Variants in GCNA observed in about 807,000 individuals in gnomAD.
GCNA encodes the protein germ cell nuclear acidic protein.
GCNA carries 3 observed loss-of-function variants against 38.8 expected under a neutral mutation model. That is an observed-to-expected ratio of 0.08 (90% CI 0.04 to 0.20). GCNA has a LOEUF of 0.20. Ranked by LOEUF, GCNA falls within the 10% of genes least tolerant of loss-of-function variation. The pLI, the probability that GCNA is intolerant of heterozygous loss-of-function variation, is 1.00. For missense variants in GCNA, 446 were observed against 578.6 expected (o/e 0.77, Z 2.35); for synonymous variants, 195 against 240.2 (o/e 0.81, Z 1.74).
At chrX:71,586,754 C>T (rs1238876542) in intron 2 of GCNA, among the ~76,000 whole-genome samples, 1 of 110,834 alleles carries the variant, frequency 9.0e-6, no homozygotes, top group African/African-American at 3.3e-5. Context: ...GGATTACAGG[C>T]ACCTGCCACC....
At position 71,612,369 on chromosome X, in the gene GCNA, A is replaced by T; in HGVS notation, c.1765A>T (p.Thr589Ser). Residue 589 changes from threonine to serine, a missense_variant, in exon 12 of 13, where the codon ACC (threonine) becomes TCC (serine). By Grantham distance (58) the Thr-to-Ser change is moderately conservative (BLOSUM62 1). Transcript: ENST00000373696. ...CTTCTTTCAAGACCGAATCCGGGAT[A>T]CCTTGATCCATGAAATGTGCCATGC... ...VCDSADRIRD[T>S]LIHEMCHAAS... The T allele has an allele frequency of 8.3e-7, 1 of 1,202,247 alleles. No homozygotes were observed. Among genetic ancestry groups the T allele is most frequent in the South Asian group, 1.8e-5 (1 of 55,800 alleles).
At chrX:71,598,576 C>T (rs1269751095) in intron 7 of GCNA, among the ~76,000 whole-genome samples, 4 of 110,850 alleles carry the variant, frequency 3.6e-5, no homozygotes, top group African/African-American at 1.3e-4. Flanking sequence ...TCTTGTGTTT[C>T]TTTAGAGCCT....
rs761554566 is a variant in GCNA at position 71,609,142 on chromosome X, T to C, written c.1611+25T>C. Reference sequence around the variant, plus strand: ...GGTAGGATCAATGAATGAGCACTGATTGAGCACCTGCTATACACCAGTACT... The same window carrying C: ...GGTAGGATCAATGAATGAGCACTGACTGAGCACCTGCTATACACCAGTACT... On this transcript the variant is annotated intron_variant, in intron 10 of 12. Transcript: ENST00000373696. 3 of 1,176,407 alleles carry C rather than the reference T, an allele frequency of 2.6e-6. No individual in the cohort carries two copies. The East Asian group carries it at 9.0e-5, about 35-fold the overall frequency.
intron 9 of GCNA, 70 bp from the exon 10 acceptor site, chrX:71,608,903 C>T (rs777890602): frequency 1.5e-5 from 17 of 1,127,779 alleles, no homozygotes; most frequent in African/African-American, 7.4e-5. Context: ...GGTCTCTTGA[C>T]GAGACGCTTA....
At chrX:71,605,594 T>A in intron 8 of GCNA, 69 bp from the exon 9 acceptor site, 2 of 965,832 alleles carry the variant, frequency 2.1e-6, no homozygotes, top group Non-Finnish European at 2.9e-6. Context: ...GGGTTTACCT[T>A]TCTGTTGGTC....
At chrX:71,597,395 G>T (rs1379401003) in intron 6 of GCNA, among the ~76,000 whole-genome samples, 1 of 111,578 alleles carries the variant, frequency 9.0e-6, no homozygotes, top group Non-Finnish European at 1.9e-5. Flanking sequence ...ATTAGCCGAG[G>T]ATGAGGACCC....
Position 71,594,333 on chromosome X carries a change from G to A in GCNA, c.143G>A (p.Cys48Tyr), listed in dbSNP as rs148480806. 435 of 1,200,739 alleles carry A rather than the reference G, an allele frequency of 3.6e-4. 2 individuals are homozygous for A. Among genetic ancestry groups the A allele is most frequent in the East Asian group, 3.9e-4 (13 of 33,698 alleles). The change falls in exon 5 of 13, where the codon TGC becomes TAC. Residue 48 changes from cysteine (C) to tyrosine (Y), a missense_variant and splice_region_variant. By Grantham distance (194) the Cys-to-Tyr change is radical. Coordinates refer to ENST00000373696, the MANE Select transcript of GCNA (RefSeq NM_052957.5). ...ARRAPKRQAS[C>Y]ILNVQSRSGD... Reference sequence around the variant, plus strand: ...AAGTATCTCTTTTATTTTTGCAGTTGCATCCTTAATGTCCAGTCAAGGAGT... The same window carrying A: ...AAGTATCTCTTTTATTTTTGCAGTTACATCCTTAATGTCCAGTCAAGGAGT...
intron 2 of GCNA, 36 bp downstream of exon 2, chrX:71,580,916 G>T: frequency 8.7e-7 from 1 of 1,147,615 alleles, no homozygotes; most frequent in Non-Finnish European, 1.2e-6. Flanking sequence ...TTTTAGTTTA[G>T]TGTTACCGTA....
intron 2 of GCNA, among the ~76,000 whole-genome samples, chrX:71,589,459 T>TC (rs1264235447): frequency 1.8e-5 from 1 of 57,136 alleles, no homozygotes; most frequent in East Asian, 5.0e-4. Context: ...CCTTTTTTTT[T>TC]TTTTTTTTTT....
chrX:71,582,544 C>A (rs1198175179), intron 2 of GCNA, among the ~76,000 whole-genome samples: 1 of 110,949 alleles, frequency 9.0e-6, no homozygotes. Context: ...TTGGTACAAC[C>A]TTTTTGGAGG....
At position 71,594,987 on chromosome X, in the gene GCNA, AC is replaced by A. The variant is rs1291773557; in HGVS notation, c.221+209del. The stretch of plus-strand genomic sequence containing the variant: ...TTCCTTATGCCTGACCCATTATCTA[AC>A]TGGTCAGTTTCTTCTTTGAGGTATC... On this transcript the variant is annotated intron_variant, in intron 6 of 12. Transcript: ENST00000373696. Among the ~76,000 whole-genome samples the A allele has an allele frequency of 1.6e-3, 168 of 108,062 alleles. No individual in the cohort carries two copies. The East Asian group carries it at 0.035, about 22-fold the overall frequency. The allele number at this position is 108,062 out of a possible 115,157, so 93.8% of individuals were successfully genotyped here. A position where few individuals can be genotyped will look rare whatever the true frequency, so the allele number is the denominator to read the frequency against.
At position 71,604,242 on chromosome X, in the gene GCNA, C is replaced by T. The variant is rs748365021; in HGVS notation, c.965C>T (p.Ser322Leu). 26 of 1,211,245 alleles carry T rather than the reference C, an allele frequency of 2.1e-5. No homozygotes were observed. Among genetic ancestry groups the T allele is most frequent in the Admixed American group, 6.5e-5 (3 of 45,954 alleles). The change falls in exon 8 of 13, where the codon TCG (serine) becomes TTG (leucine). Residue 322 changes from serine to leucine, a missense_variant. This residue lies in a region of GCNA where 160 missense variants were observed against 165.2 expected (regional missense o/e 0.97). Coordinates refer to ENST00000373696, the MANE Select transcript of GCNA (RefSeq NM_052957.5). ...GTTCCCGAAGACAAGAGTGATGATT[C>T]GGATGTTCCCGATGACAATAGTGAT... ...SDVPEDKSDD[S>L]DVPDDNSDDL... is the part of the protein sequence containing the mutation.
rs1375146651 is a variant in GCNA, at chrX:71,603,918, T to A, written c.641T>A (p.Val214Asp). Residue 214 changes from valine to aspartate, a missense_variant, in exon 8 of 13, where the codon GTT becomes GAT. Val to Asp is a radical substitution (Grantham distance 152). Coordinates refer to ENST00000373696, the MANE Select transcript of GCNA (RefSeq NM_052957.5). ...SSDDNSDDSD[V>D]PDDKSDDSDV... ...GACGACAACAGTGATGATTCGGATGTTCCCGACGACAAGAGTGATGATTCG... is the reference window on the plus strand; with the variant it reads ...GACGACAACAGTGATGATTCGGATGATCCCGACGACAAGAGTGATGATTCG... 8.4e-7 allele frequency: 1 copy of A among 1,197,292 alleles called. No homozygotes were observed. Among genetic ancestry groups the A allele is most frequent in the Non-Finnish European group, 1.1e-6 (1 of 890,749 alleles).
chrX:71,604,147 T>C lies in GCNA; in HGVS notation c.870T>C (p.Asp290=), dbSNP rs140646392. 3.2e-4 allele frequency: 383 copies of C among 1,205,189 alleles called. 2 individuals are homozygous for C. In the African/African-American group the frequency reaches 5.9e-3, roughly 19 times the overall value. Residue 290 remains aspartate, a synonymous_variant, in exon 8 of 13, where the codon GAT becomes GAC. Transcript: ENST00000373696. The part of the protein sequence containing the change: ...DDSEASDDSS[D]DSEASDDSSD... Reference sequence around the variant, plus strand: ...CGGAAGCTTCCGACGACAGCAGTGATGATTCGGAAGCTTCCGACGACAGCA... The same window carrying C: ...CGGAAGCTTCCGACGACAGCAGTGACGATTCGGAAGCTTCCGACGACAGCA...
At chrX:71,601,141 C>T (rs1047967585) in intron 7 of GCNA, among the ~76,000 whole-genome samples, 7 of 111,478 alleles carry the variant, frequency 6.3e-5, no homozygotes, top group African/African-American at 2.3e-4. Context: ...GTCAAGAGAT[C>T]GAGACCATCT....
At chrX:71,582,187 C>T (rs2040551125) in intron 2 of GCNA, among the ~76,000 whole-genome samples, 1 of 105,426 alleles carries the variant, frequency 9.5e-6, no homozygotes, top group South Asian at 4.4e-4. Flanking sequence ...GTGGGAGAAT[C>T]ACCTGAGCCC....
rs761665279 is a variant in GCNA, at chrX:71,612,977, G to A, written c.2071G>A (p.Val691Met). The A allele has an allele frequency of 5.8e-6, 7 of 1,209,869 alleles. No individual in the cohort carries two copies. Among genetic ancestry groups the A allele is most frequent in the Middle Eastern group, 2.3e-4 (1 of 4,376 alleles). Reference sequence around the variant, plus strand: ...AGATGGGACCCGTATTGTGCCCCACGTGTGACCATTTGCTGTGTATGTGCA... The same window carrying A: ...AGATGGGACCCGTATTGTGCCCCACATGTGACCATTTGCTGTGTATGTGCA... Reference protein sequence around the residue: ...QKDGTRIVPHV With the variant: ...QKDGTRIVPHM Residue 691 changes from valine to methionine, a missense_variant, in exon 13 of 13, where the codon GTG becomes ATG. Physicochemically the swap from Val to Met is conservative, Grantham distance 21 (BLOSUM62 1). Coordinates refer to ENST00000373696, the MANE Select transcript of GCNA (RefSeq NM_052957.5).
intron 10 of GCNA, 31 bp downstream of exon 10, chrX:71,609,148 A>T (rs1275067650): frequency 1.7e-6 from 2 of 1,157,033 alleles, no homozygotes; most frequent in Admixed American, 2.2e-5. Context: ...CTGATTGAGC[A>T]CCTGCTATAC....
At chrX:71,612,783 C>T in intron 12 of GCNA, 79 bp from the exon 13 acceptor site, 1 of 1,160,992 alleles carries the variant, frequency 8.6e-7, no homozygotes, top group Non-Finnish European at 1.2e-6. Flanking sequence ...TTGCTTTGGG[C>T]CCAAGGCTAA....
Sources: allele counts gnomAD v4.1 joint callset (sites outside exome capture counted in the v4.1 genomes callset), GRCh38; gene constraint gnomAD v4.1.1; regional missense constraint gnomAD v4.1.1; transcripts MANE v1.5; gene names NCBI Gene and HGNC (gene_info 2026-07-23, HGNC 2026-07-21).